The following ADAMTS17 variants were observed in gnomAD, a reference collection of about 807,000 sequenced individuals.
ADAMTS17 encodes the protein ADAM metallopeptidase with thrombospondin type 1 motif 17.
In ADAMTS17, 113 loss-of-function variants were observed where a neutral mutation model predicts 141.5. The ratio of observed to expected loss-of-function variants is 0.80; its 90% CI spans 0.69 to 0.93. The LOEUF is 0.93. Among genes scored for constraint, ADAMTS17 ranks in the 40% least tolerant of loss-of-function variants. ADAMTS17 has a pLI of 0.00. For synonymous variants in ADAMTS17, 768 were observed against 630.6 expected (o/e 1.22, Z -3.27); for missense variants, 1,659 against 1,517.9 (o/e 1.09, Z -1.54).
intron 4 of ADAMTS17, among the ~76,000 whole-genome samples, chr15:100,270,050 G>A (rs1379819702): frequency 6.6e-6 from 1 of 152,176 alleles, no homozygotes; most frequent in East Asian, 1.9e-4. Flanking sequence ...TTTTCTCTGG[G>A]ACCTCTTCCA....
chr15:100,278,136 T>G (rs2044160516), intron 4 of ADAMTS17, among the ~76,000 whole-genome samples: 4 of 151,364 alleles, frequency 2.6e-5, no homozygotes, highest in African/African-American at 9.7e-5. Context: ...TGGCAGGGGC[T>G]GGGGGAGAGG....
intron 19 of ADAMTS17, among the ~76,000 whole-genome samples, chr15:99,994,506 C>A (rs1272745435): frequency 2.0e-5 from 3 of 151,538 alleles, no homozygotes; most frequent in African/African-American, 7.3e-5. Context: ...ACATAAAGGA[C>A]AAATGTTATT....
At chr15:100,049,916 C>A (rs1029247773) in intron 17 of ADAMTS17, among the ~76,000 whole-genome samples, 1 of 152,162 alleles carries the variant, frequency 6.6e-6, no homozygotes, top group Non-Finnish European at 1.5e-5. Context: ...TAGAACAGAA[C>A]CTGGCAGGTG....
At chr15:99,986,272 G>A (rs2060584850) in intron 20 of ADAMTS17, among the ~76,000 whole-genome samples, 1 of 152,210 alleles carries the variant, frequency 6.6e-6, no homozygotes, top group African/African-American at 2.4e-5. Context: ...CATTGTTAAG[G>A]TCATGGAACT....
chr15:100,198,702 A>G (rs79557673), intron 8 of ADAMTS17, among the ~76,000 whole-genome samples: 12,997 of 152,184 alleles, frequency 0.085, 941 homozygotes, highest in African/African-American at 0.19. Context: ...CTTCCTACAG[A>G]TGGTCACAAC....
chr15:100,204,174 G>A lies in ADAMTS17; in HGVS notation c.1076-4751C>T, dbSNP rs566838500. 1.5e-4 allele frequency among the ~76,000 whole-genome samples: 23 copies of A among 152,268 alleles called. No individual in the cohort carries two copies. In the East Asian group the frequency reaches 1.9e-3, roughly 13 times the overall value. On this transcript the variant is annotated intron_variant, in intron 7 of 21. Transcript: ENST00000268070. ...CTCTTTATCTAGGGGCTGACCACTC[G>A]ACTCTCTCTAGACTTAAGGAATAAA...
intron 15 of ADAMTS17, among the ~76,000 whole-genome samples, chr15:100,060,548 C>T (rs1391550687): frequency 6.6e-6 from 1 of 152,190 alleles, no homozygotes; most frequent in Non-Finnish European, 1.5e-5. Flanking sequence ...GAGCTCTGAC[C>T]CTGTCCACAT....
At chr15:100,150,742 G>A (rs940151737) in intron 10 of ADAMTS17, among the ~76,000 whole-genome samples, 14 of 152,134 alleles carry the variant, frequency 9.2e-5, no homozygotes, top group South Asian at 6.2e-4. Flanking sequence ...CTGGCCCTGC[G>A]GAGGACTCCA....
intron 7 of ADAMTS17, among the ~76,000 whole-genome samples, chr15:100,203,428 T>C (rs1032962536): frequency 3.3e-5 from 5 of 151,896 alleles, no homozygotes; most frequent in African/African-American, 1.2e-4. Context: ...CAAAATTGGT[T>C]GGGTGTGGTG....
chr15:100,261,633 T>C lies in ADAMTS17; in HGVS notation c.877A>G (p.Lys293Glu), dbSNP rs1246241643. ...KLVLLRQRPAKLSIGHHGERS... is the reference protein window; with the variant it reads ...KLVLLRQRPAELSIGHHGERS... Reference sequence around the variant, plus strand: ...TCACCATGGTGCCCAATGGACAACTTAGCCTAAAAAAAGTCAGAGGACAGT... The same window carrying C: ...TCACCATGGTGCCCAATGGACAACTCAGCCTAAAAAAAGTCAGAGGACAGT... Residue 293 changes from lysine to glutamate, a missense_variant, in exon 6 of 22, where the codon AAG (lysine) becomes GAG (glutamate). Coordinates refer to ENST00000268070, the MANE Select transcript of ADAMTS17 (RefSeq NM_139057.4). The C allele has an allele frequency of 6.2e-7, 1 of 1,613,580 alleles. No homozygotes were observed. Among genetic ancestry groups the C allele is most frequent in the Non-Finnish European group, 8.5e-7 (1 of 1,179,784 alleles).
intron 15 of ADAMTS17, among the ~76,000 whole-genome samples, chr15:100,094,437 T>C (rs2035643307): frequency 6.6e-6 from 1 of 152,238 alleles, no homozygotes; most frequent in African/African-American, 2.4e-5. Context: ...GATGAACAGG[T>C]CTGCCTAGGT....
intron 6 of ADAMTS17, among the ~76,000 whole-genome samples, chr15:100,257,949 CT>C (rs1438878732): frequency 6.6e-6 from 1 of 152,196 alleles, no homozygotes; most frequent in Admixed American, 6.5e-5. Flanking sequence ...AACCACCATT[CT>C]TTATCTCTAC....
At chr15:100,311,370 G>A (rs778356596) in intron 3 of ADAMTS17, among the ~76,000 whole-genome samples, 3 of 152,222 alleles carry the variant, frequency 2.0e-5, no homozygotes, top group East Asian at 1.9e-4. Flanking sequence ...CCTTCTGGGG[G>A]CCACCATCCC....
chr15:100,024,498 A>G (rs1316434335), intron 18 of ADAMTS17, among the ~76,000 whole-genome samples: 1 of 152,182 alleles, frequency 6.6e-6, no homozygotes, highest in African/African-American at 2.4e-5. Context: ...ACAGGGTACA[A>G]ATGGAAGTCC....
At chr15:100,299,887 G>A (rs1045973208) in intron 3 of ADAMTS17, among the ~76,000 whole-genome samples, 2 of 152,112 alleles carry the variant, frequency 1.3e-5, no homozygotes, top group Admixed American at 6.5e-5. Flanking sequence ...GTGTCCCCAC[G>A]CTGCTAGGTT....
At chr15:100,215,031 C>A (rs187977608) in intron 7 of ADAMTS17, among the ~76,000 whole-genome samples, 1 of 152,236 alleles carries the variant, frequency 6.6e-6, no homozygotes, top group African/African-American at 2.4e-5. Flanking sequence ...CTAATTCCAA[C>A]CCTCTCAATA....
At chr15:99,984,511 G>A (rs756936190) in intron 20 of ADAMTS17, among the ~76,000 whole-genome samples, 24 of 152,346 alleles carry the variant, frequency 1.6e-4, no homozygotes, top group Non-Finnish European at 2.8e-4. Context: ...GAGAGAAGAG[G>A]CTGATGACTG....
At chr15:100,071,156 T>A (rs2033942847) in intron 15 of ADAMTS17, among the ~76,000 whole-genome samples, 1 of 150,354 alleles carries the variant, frequency 6.7e-6, no homozygotes, top group Non-Finnish European at 1.5e-5. Flanking sequence ...AATGGATAAA[T>A]TCCTTAACAC....
Position 100,199,337 on chromosome 15 carries a change from C to A in ADAMTS17, c.1162G>T (p.Ala388Ser), listed in dbSNP as rs547549203. The change falls in exon 8 of 22, where the codon GCC becomes TCC. Residue 388 changes from alanine (A) to serine (S), a missense_variant. By Grantham distance (99) the Ala-to-Ser change is moderately conservative. Coordinates refer to ENST00000268070, the MANE Select transcript of ADAMTS17 (RefSeq NM_139057.4). The stretch of plus-strand genomic sequence containing the variant: ...ACTTACTTGTGGCCCAGCTCATGGG[C>A]GATGGTAAAGGCCAAATTGAGACCA... ...DNGLNLAFTI[A>S]HELGHNLGMN... is the part of the protein sequence containing the mutation. The A allele has an allele frequency of 6.2e-7, 1 of 1,614,124 alleles. No homozygotes were observed. Among genetic ancestry groups the A allele is most frequent in the Non-Finnish European group, 8.5e-7 (1 of 1,180,000 alleles).
Sources: allele counts gnomAD v4.1 joint callset (sites outside exome capture counted in the v4.1 genomes callset), GRCh38; gene constraint gnomAD v4.1.1; transcripts MANE v1.5; gene names NCBI Gene and HGNC (gene_info 2026-07-23, HGNC 2026-07-21).